SPATA31F3: variants seen among roughly 807,000 people sequenced by gnomAD.
SPATA31F3 encodes protein SPATA31F3.
chr9:34,895,068 TG>T, the SPATA31F3 span: 25 of 398,570 alleles, frequency 6.3e-5, no homozygotes, highest in South Asian at 3.2e-3. Flanking sequence ...AGACTTTTGT[TG>T]GACTCTTCGG....
chr9:34,890,359 C>A, the SPATA31F3 span, among the ~76,000 whole-genome samples: 1 of 152,198 alleles, frequency 6.6e-6, no homozygotes, highest in Non-Finnish European at 1.5e-5. Context: ...GACTTGTCCT[C>A]ACTTTTGCAA....
chr9:34,893,048 G>A, the SPATA31F3 span: 2 of 944,750 alleles, frequency 2.1e-6, no homozygotes, highest in African/African-American at 1.6e-5. Flanking sequence ...GTTCTCACCT[G>A]CCAGCAATTG....
At chr9:34,894,690 A>G in the SPATA31F3 span, among the ~76,000 whole-genome samples, 1 of 152,216 alleles carries the variant, frequency 6.6e-6, no homozygotes. Flanking sequence ...GTCCTTCACC[A>G]TCACACTGGG....
chr9:34,890,344 G>T, the SPATA31F3 span, among the ~76,000 whole-genome samples: 4 of 152,194 alleles, frequency 2.6e-5, no homozygotes, highest in Admixed American at 2.6e-4. Context: ...CTCTGCTGGG[G>T]TAGGGACTTG....
the SPATA31F3 span, chr9:34,892,591 G>C: frequency 4.5e-6 from 2 of 447,192 alleles, no homozygotes; most frequent in Non-Finnish European, 7.9e-6. Context: ...GTCATAGGCT[G>C]TTGTTGTAGG....
At chr9:34,893,785 G>A in the SPATA31F3 span, among the ~76,000 whole-genome samples, 4 of 152,106 alleles carry the variant, frequency 2.6e-5, no homozygotes, top group Non-Finnish European at 5.9e-5. Context: ...CTAGGAGAAC[G>A]GAGCCAGGCG....
At chr9:34,894,374 A>C in the SPATA31F3 span, 1 of 398,114 alleles carries the variant, frequency 2.5e-6, no homozygotes, top group Non-Finnish European at 4.4e-6. Flanking sequence ...TCTCTACCCC[A>C]AGCCAAGCTG....
At chr9:34,889,618 A>G in the SPATA31F3 span, 1 of 398,432 alleles carries the variant, frequency 2.5e-6, no homozygotes, top group Admixed American at 4.4e-5. Flanking sequence ...TTGTTATCCA[A>G]GCCAACTTCT....
the SPATA31F3 span, chr9:34,895,068 T>C: frequency 2.5e-6 from 1 of 398,570 alleles, no homozygotes; most frequent in South Asian, 1.3e-4. Context: ...AGACTTTTGT[T>C]GGACTCTTCG....
the SPATA31F3 span, chr9:34,892,680 T>C: frequency 4.3e-6 from 2 of 461,192 alleles, no homozygotes; most frequent in Non-Finnish European, 7.7e-6. Context: ...AGGACAAATT[T>C]GGAGTTGTTT....
At chr9:34,890,565 T>C in the SPATA31F3 span, among the ~76,000 whole-genome samples, 1 of 152,202 alleles carries the variant, frequency 6.6e-6, no homozygotes, top group Admixed American at 6.5e-5. Flanking sequence ...CGGCAAGCTG[T>C]TCTTTCAGTC....
At chr9:34,893,595 C>CT in the SPATA31F3 span, among the ~76,000 whole-genome samples, 14 of 149,784 alleles carry the variant, frequency 9.3e-5, no homozygotes, top group African/African-American at 3.5e-4. Context: ...GAGTGAAACT[C>CT]TGTCTCAAAA....
the SPATA31F3 span, among the ~76,000 whole-genome samples, chr9:34,893,755 G>A: frequency 6.6e-6 from 1 of 152,172 alleles, no homozygotes; most frequent in Non-Finnish European, 1.5e-5. Context: ...GTTCTCTGTT[G>A]ACCTTGTTGA....
At chr9:34,893,209 A>G in the SPATA31F3 span, 1 of 472,348 alleles carries the variant, frequency 2.1e-6, no homozygotes, top group Non-Finnish European at 3.7e-6. Flanking sequence ...CTTCTCGGAA[A>G]AGTGTGGGCC....
At chr9:34,890,040 A>C in the SPATA31F3 span, among the ~76,000 whole-genome samples, 1 of 152,202 alleles carries the variant, frequency 6.6e-6, no homozygotes, top group Non-Finnish European at 1.5e-5. Flanking sequence ...AGCAATAGCC[A>C]GTACTGAGAG....
chr9:34,893,050 C>T, the SPATA31F3 span: 1 of 951,714 alleles, frequency 1.1e-6, no homozygotes, highest in Admixed American at 2.2e-5. Context: ...TCTCACCTGC[C>T]AGCAATTGCT....
chr9:34,892,865 G>T, the SPATA31F3 span: 1 of 699,988 alleles, frequency 1.4e-6, no homozygotes, highest in Non-Finnish European at 2.6e-6. Flanking sequence ...CTGGGTTAAA[G>T]ATTTCTGATC....
At chr9:34,892,651 C>T in the SPATA31F3 span, 1 of 458,910 alleles carries the variant, frequency 2.2e-6, no homozygotes, top group South Asian at 6.0e-5. Context: ...TATTCAAGGG[C>T]TGCTGACCTT....
the SPATA31F3 span, among the ~76,000 whole-genome samples, chr9:34,895,275 G>A: frequency 5.9e-5 from 9 of 151,774 alleles, no homozygotes; most frequent in Non-Finnish European, 8.8e-5. Flanking sequence ...TCACTTTCAC[G>A]CTCTTCCATA....
Sources: gnomAD v4.1 joint callset for allele counts (sites outside exome capture counted in the v4.1 genomes callset) on GRCh38, gnomAD v4.1.1 for gene constraint, MANE v1.5 for transcripts, NCBI Gene and HGNC (gene_info 2026-07-23, HGNC 2026-07-21) for gene names.